The following FBXO36 variants were observed in gnomAD, a reference collection of about 807,000 sequenced individuals.
FBXO36 encodes F-box protein 36.
FBXO36 carries 18 observed loss-of-function variants against 17.0 expected under a neutral mutation model. The ratio of observed to expected loss-of-function variants is 1.06; its 90% CI spans 0.73 to 1.57. The LOEUF is 1.57. Ranked by LOEUF, FBXO36 falls within the 40% of genes most tolerant of loss-of-function variation. The pLI is 0.00. For synonymous variants in FBXO36, 83 were observed against 85.3 expected (o/e 0.97, Z 0.15); for missense variants, 229 against 221.9 (o/e 1.03, Z -0.20).
rs1380687004 is a variant in FBXO36, at chr2:229,976,366, A to G, written c.205+17A>G. ...ATCTTCAAGGTAAGGAACGGAACAT[A>G]TTATATACCCCTGTTAAGTTCTCAT... On this transcript the variant is annotated intron_variant, in intron 2 of 3. Coordinates refer to ENST00000283946, the MANE Select transcript of FBXO36 (RefSeq NM_174899.5). 2.0e-6 allele frequency: 3 copies of G among 1,510,108 alleles called. No homozygotes were observed. In the Admixed American group the frequency reaches 5.0e-5, roughly 25 times the overall value. The allele number at this position is 1,510,108 out of a possible 1,614,324, so 93.5% of individuals were successfully genotyped here. A position where few individuals can be genotyped will look rare whatever the true frequency, so the allele number is the denominator to read the frequency against.
intron 1 of FBXO36, among the ~76,000 whole-genome samples, chr2:229,961,439 G>A (rs1300201732): frequency 1.3e-5 from 2 of 151,914 alleles, no homozygotes; most frequent in Non-Finnish European, 2.9e-5. Context: ...GCAGTGGTGC[G>A]ATCTCGGCTC....
chr2:229,994,549 G>T (rs948607143), intron 2 of FBXO36, among the ~76,000 whole-genome samples: 7 of 152,168 alleles, frequency 4.6e-5, no homozygotes, highest in Non-Finnish European at 8.8e-5. Context: ...AGTTCCGCCT[G>T]CTTCTGCAGG....
chr2:229,947,223 G>A (rs566092352), intron 1 of FBXO36, among the ~76,000 whole-genome samples: 2 of 152,212 alleles, frequency 1.3e-5, no homozygotes, highest in Admixed American at 1.3e-4. Context: ...ATGGCACAAA[G>A]CAAGGAAGTA....
In FBXO36 at chr2:229,922,530, C is replaced by A; in HGVS notation, c.17C>A (p.Pro6Gln). Residue 6 changes from proline (P) to glutamine (Q), a missense_variant, in exon 1 of 4, where the codon CCG becomes CAG. Coordinates refer to ENST00000283946, the MANE Select transcript of FBXO36 (RefSeq NM_174899.5). ...CGTCCCAAGATGGCGTCGTGGCTGCCGGAGACTCTCTTTGAAACTGTAGGA... is the reference window on the plus strand; with the variant it reads ...CGTCCCAAGATGGCGTCGTGGCTGCAGGAGACTCTCTTTGAAACTGTAGGA... MASWL[P>Q]ETLFETVGQG... The A allele has an allele frequency of 6.2e-7, 1 of 1,613,902 alleles. No individual in the cohort carries two copies. Among genetic ancestry groups the A allele is most frequent in the South Asian group, 1.1e-5 (1 of 91,068 alleles).
intron 1 of FBXO36, chr2:229,939,114 C>G (rs1345800302): frequency 3.5e-6 from 1 of 282,652 alleles, no homozygotes; most frequent in Non-Finnish European, 5.0e-6. Context: ...AGTGCAATGG[C>G]GCCATCTTGG....
intron 1 of FBXO36, among the ~76,000 whole-genome samples, chr2:229,935,218 G>C (rs927522896): frequency 6.6e-6 from 1 of 152,150 alleles, no homozygotes; most frequent in Non-Finnish European, 1.5e-5. Context: ...CAACCCCCTG[G>C]ATTTGTGCCT....
At chr2:230,002,987 T>G (rs1322168586) in intron 3 of FBXO36, among the ~76,000 whole-genome samples, 1 of 151,978 alleles carries the variant, frequency 6.6e-6, no homozygotes, top group African/African-American at 2.4e-5. Flanking sequence ...CCGAGGCGGA[T>G]GGATCACGAG....
intron 3 of FBXO36, among the ~76,000 whole-genome samples, chr2:230,007,337 G>C (rs2106218746): frequency 6.6e-6 from 1 of 152,338 alleles, no homozygotes; most frequent in South Asian, 2.1e-4. Context: ...GAATCACCGG[G>C]AGAACCACTT....
chr2:229,970,839 A>T (rs1331393976), intron 1 of FBXO36, among the ~76,000 whole-genome samples: 1 of 152,194 alleles, frequency 6.6e-6, no homozygotes, highest in African/African-American at 2.4e-5. Context: ...AAATGAGTTA[A>T]TTAGTATAAT....
chr2:229,950,525 T>C, intron 1 of FBXO36, among the ~76,000 whole-genome samples: 1 of 151,688 alleles, frequency 6.6e-6, no homozygotes. Context: ...TAAAGTAAGT[T>C]CTGTCTAAGG....
At chr2:229,986,247 C>T (rs897520729) in intron 2 of FBXO36, among the ~76,000 whole-genome samples, 7 of 152,132 alleles carry the variant, frequency 4.6e-5, no homozygotes, top group African/African-American at 1.7e-4. Flanking sequence ...CACCTGTAAT[C>T]TGAGGACTTT....
intron 1 of FBXO36, among the ~76,000 whole-genome samples, chr2:229,962,009 C>A (rs951342933): frequency 1.4e-4 from 22 of 151,962 alleles, no homozygotes; most frequent in Non-Finnish European, 2.9e-4. Flanking sequence ...GGCGAAACCT[C>A]ATCTCTACAA....
intron 2 of FBXO36, among the ~76,000 whole-genome samples, chr2:229,991,153 C>G (rs1277959030): frequency 6.6e-6 from 1 of 152,176 alleles, no homozygotes. Context: ...CCAGGCTGGT[C>G]TAGAACTCAT....
At chr2:229,982,114 C>T (rs979163168) in intron 2 of FBXO36, among the ~76,000 whole-genome samples, 28 of 152,110 alleles carry the variant, frequency 1.8e-4, no homozygotes, top group African/African-American at 6.5e-4. Flanking sequence ...ACTTCCACCT[C>T]CCAGGCTCAA....
intron 1 of FBXO36, among the ~76,000 whole-genome samples, chr2:229,961,425 G>C (rs1256413047): frequency 1.3e-5 from 2 of 151,830 alleles, no homozygotes; most frequent in Admixed American, 6.6e-5. Flanking sequence ...CACGAGGCTG[G>C]AGTGCAGTGG....
At chr2:229,981,814 C>G (rs559175579) in intron 2 of FBXO36, among the ~76,000 whole-genome samples, 1 of 151,810 alleles carries the variant, frequency 6.6e-6, no homozygotes, top group South Asian at 2.1e-4. Flanking sequence ...AAGGAAATAC[C>G]TGAGAATGGA....
chr2:229,960,831 G>A (rs2077116802), intron 1 of FBXO36, among the ~76,000 whole-genome samples: 1 of 152,138 alleles, frequency 6.6e-6, no homozygotes, highest in Admixed American at 6.5e-5. Context: ...CTTTTAGGCT[G>A]GGCGCAGTGG....
chr2:229,996,284 G>GT (rs2106210049), intron 2 of FBXO36, among the ~76,000 whole-genome samples: 2 of 151,834 alleles, frequency 1.3e-5, no homozygotes, highest in East Asian at 3.9e-4. Flanking sequence ...AAAAAAATAA[G>GT]TTAAATAAGA....
intron 1 of FBXO36, among the ~76,000 whole-genome samples, chr2:229,964,035 A>G (rs1048900451): frequency 9.2e-5 from 14 of 152,140 alleles, no homozygotes; most frequent in African/African-American, 3.1e-4. Flanking sequence ...TTATATGTCT[A>G]TGAGACTTGT....
Sources: gnomAD v4.1 joint callset for allele counts (sites outside exome capture counted in the v4.1 genomes callset) on GRCh38, gnomAD v4.1.1 for gene constraint, MANE v1.5 for transcripts, NCBI Gene and HGNC (gene_info 2026-07-23, HGNC 2026-07-21) for gene names.